The following AK5 variants were observed in gnomAD, a reference collection of about 807,000 sequenced individuals.
AK5 encodes adenylate kinase isoenzyme 5.
AK5 carries 27 observed loss-of-function variants against 69.5 expected under a neutral mutation model. That is an observed-to-expected ratio of 0.39 (90% CI 0.29 to 0.54). The LOEUF (loss-of-function observed/expected upper bound fraction) is 0.54, where lower values mean the gene tolerates loss of function less well. Among genes scored for constraint, AK5 ranks in the 20% least tolerant of loss-of-function variants. The probability of loss-of-function intolerance (pLI) is 0.71; values close to 1 mark genes in which losing one functional copy is unlikely to be tolerated. For synonymous variants in AK5, 260 were observed against 244.4 expected, an observed-to-expected ratio of 1.06 and a Z score of -0.60; for missense variants, 531 against 700.4, an observed-to-expected ratio of 0.76 and a Z score of 2.73.
intron 6 of AK5, among the ~76,000 whole-genome samples, chr1:77,370,534 A>C (rs2100473933): frequency 1.3e-5 from 2 of 152,278 alleles, no homozygotes; most frequent in South Asian, 4.1e-4. Context: ...GGGTTTAAAA[A>C]CTTTAAAGAT....
In AK5 at chr1:77,358,018, T is replaced by TGTGTGTGTGTGAGAGAGAGA. The variant is rs762714026; in HGVS notation, c.891+17451_891+17452insTGTGTGTGTGAGAGAGAGAG. Among the ~76,000 whole-genome samples the TGTGTGTGTGTGAGAGAGAGA allele has an allele frequency of 3.2e-3, 408 of 128,258 alleles. 6 individuals carry two copies. In the South Asian group the frequency reaches 0.038, roughly 12 times the overall value. 84.1% of individuals were successfully genotyped at this position (128,258 alleles called of 152,430 possible). A position where few individuals can be genotyped will look rare whatever the true frequency, so the allele number is the denominator to read the frequency against. On this transcript the variant is annotated intron_variant, in intron 6 of 13. Coordinates refer to ENST00000354567, the MANE Select transcript of AK5 (RefSeq NM_174858.3). Reference sequence around the variant, plus strand: ...GTGTGTGTGTGTGTGTGTGTGTGTGTGAGAGAGAGAGAGAGAGAGAGACAG... The same window carrying TGTGTGTGTGTGAGAGAGAGA: ...GTGTGTGTGTGTGTGTGTGTGTGTGTGTGTGTGTGTGAGAGAGAGAGAGAGAGAGAGAGAGAGAGAGACAG...
At chr1:77,434,162 AAGT>A (rs1382635233) in intron 8 of AK5, among the ~76,000 whole-genome samples, 2 of 151,476 alleles carry the variant, frequency 1.3e-5, no homozygotes, top group Non-Finnish European at 2.9e-5. Flanking sequence ...AATTTGATGA[AAGT>A]TCATGATAAC....
In AK5 at chr1:77,343,213, T is replaced by C. The variant is rs766702071; in HGVS notation, c.891+2645T>C. Among the ~76,000 whole-genome samples, 9 of 152,156 alleles carry C rather than the reference T, an allele frequency of 5.9e-5. 1 individual carries two copies. Among genetic ancestry groups the C allele is most frequent in the Non-Finnish European group, 8.8e-5 (6 of 68,016 alleles). On this transcript the variant is annotated intron_variant, in intron 6 of 13. Transcript: ENST00000354567. ...TTGGGATTCCCTGTGGTGAATAAAA[T>C]AGACTGTCTCCACACTCCAATAGCA...
rs1340470282 is a variant in AK5 at position 77,323,644 on chromosome 1, T to G, written c.700-16733T>G. The stretch of plus-strand genomic sequence containing the variant: ...CTAGCAGGCCTTTCCATATCTGAAC[T>G]TCTTTGCTTTCTATTATAATTTAAT... On this transcript the variant is annotated intron_variant, in intron 5 of 13. Coordinates refer to ENST00000354567, the MANE Select transcript of AK5 (RefSeq NM_174858.3). Among the ~76,000 whole-genome samples, 3 of 152,348 alleles carry G rather than the reference T, an allele frequency of 2.0e-5. No homozygotes were observed. The East Asian group carries it at 5.8e-4, about 29-fold the overall frequency.
At chr1:77,523,277 GTCCCTCGAC>G (rs1658097654) in intron 12 of AK5, among the ~76,000 whole-genome samples, 1 of 152,188 alleles carries the variant, frequency 6.6e-6, no homozygotes, top group African/African-American at 2.4e-5. Context: ...CATTCTGGCT[GTCCCTCGAC>G]TCCAGAGCTT....
chr1:77,526,627 C>T (rs1658309147), intron 12 of AK5, among the ~76,000 whole-genome samples: 1 of 151,730 alleles, frequency 6.6e-6, no homozygotes. Flanking sequence ...AGGCGCCCGC[C>T]ACCACACCTG....
intron 6 of AK5, among the ~76,000 whole-genome samples, chr1:77,403,120 T>C (rs1299454739): frequency 6.6e-6 from 1 of 152,260 alleles, no homozygotes; most frequent in East Asian, 1.9e-4. Context: ...GTTCATATCC[T>C]TCGCCCACTT....
intron 13 of AK5, among the ~76,000 whole-genome samples, chr1:77,552,279 T>C (rs756537116): frequency 1.3e-5 from 2 of 152,196 alleles, no homozygotes; most frequent in Non-Finnish European, 2.9e-5. Context: ...TTGCCCACGC[T>C]GTATTCAGAG....
At chr1:77,472,286 C>T (rs1448584925) in intron 8 of AK5, among the ~76,000 whole-genome samples, 5 of 152,184 alleles carry the variant, frequency 3.3e-5, no homozygotes, top group Admixed American at 3.3e-4. Context: ...CTCCTTAACG[C>T]ATAGGGGATG....
At chr1:77,443,158 T>C (rs897045754) in intron 8 of AK5, among the ~76,000 whole-genome samples, 2 of 152,200 alleles carry the variant, frequency 1.3e-5, no homozygotes, top group Non-Finnish European at 2.9e-5. Context: ...GCTCATACCT[T>C]AAGTCTTAGC....
chr1:77,401,765 T>C (rs567842610), intron 6 of AK5, among the ~76,000 whole-genome samples: 30 of 152,328 alleles, frequency 2.0e-4, no homozygotes, highest in African/African-American at 7.2e-4. Context: ...CCTCAGATGG[T>C]GCATAATTCT....
intron 6 of AK5, among the ~76,000 whole-genome samples, chr1:77,344,022 A>G (rs993489421): frequency 6.6e-6 from 1 of 152,204 alleles, no homozygotes; most frequent in Non-Finnish European, 1.5e-5. Context: ...TAGATTCTAT[A>G]TTGTCCGTGT....
chr1:77,373,012 A>T (rs2100480907), intron 6 of AK5, among the ~76,000 whole-genome samples: 1 of 152,358 alleles, frequency 6.6e-6, no homozygotes, highest in East Asian at 1.9e-4. Context: ...TGTGACAAGC[A>T]TCTTTGCTTT....
intron 11 of AK5, among the ~76,000 whole-genome samples, chr1:77,519,751 G>A (rs1056759240): frequency 9.9e-5 from 15 of 152,234 alleles, no homozygotes; most frequent in Admixed American, 1.3e-4. Flanking sequence ...CTGTCATGGC[G>A]CTGATGGGAG....
chr1:77,317,499 A>G (rs1660305088), intron 5 of AK5, among the ~76,000 whole-genome samples: 1 of 152,156 alleles, frequency 6.6e-6, no homozygotes, highest in African/African-American at 2.4e-5. Context: ...AAAGCTCAAT[A>G]AATAATAAAT....
intron 10 of AK5, among the ~76,000 whole-genome samples, chr1:77,505,668 A>G (rs1656983418): frequency 6.6e-6 from 1 of 152,076 alleles, no homozygotes; most frequent in Non-Finnish European, 1.5e-5. Context: ...GGAGTTCAAG[A>G]CTAGCCTGGC....
intron 7 of AK5, among the ~76,000 whole-genome samples, chr1:77,413,834 A>G (rs987261373): frequency 6.6e-6 from 1 of 151,936 alleles, no homozygotes; most frequent in African/African-American, 2.4e-5. Context: ...TCCCTGCCCC[A>G]ACCCTGTCCT....
intron 5 of AK5, 55 bp from the exon 6 acceptor site, chr1:77,340,322 C>T (rs994274926): frequency 6.6e-7 from 1 of 1,511,696 alleles, no homozygotes; most frequent in Non-Finnish European, 9.1e-7. Context: ...CAGCTGCCCA[C>T]ACATGCATTA....
chr1:77,343,698 A>G (rs1358309943), intron 6 of AK5, among the ~76,000 whole-genome samples: 3 of 152,204 alleles, frequency 2.0e-5, no homozygotes, highest in African/African-American at 7.2e-5. Context: ...CAGTGTGATT[A>G]TGAGGAGTAA....
Sources: gnomAD v4.1 joint callset for allele counts (sites outside exome capture counted in the v4.1 genomes callset) on GRCh38, gnomAD v4.1.1 for gene constraint, MANE v1.5 for transcripts, NCBI Gene and HGNC (gene_info 2026-07-23, HGNC 2026-07-21) for gene names.